Variants in FCHO2 observed in about 807,000 individuals in gnomAD.
FCHO2 encodes the protein F-BAR domain only protein 2.
In FCHO2, 43 loss-of-function variants were observed where a neutral mutation model predicts 114.1. The ratio of observed to expected loss-of-function variants is 0.38; its 90% CI spans 0.30 to 0.49. The LOEUF is 0.49. FCHO2 is among the 20% of genes least tolerant of loss of function. FCHO2 has a pLI of 0.97. For synonymous variants in FCHO2, 293 were observed against 315.2 expected (o/e 0.93, Z 0.75); for missense variants, 807 against 950.4 (o/e 0.85, Z 1.98).
intron 12 of FCHO2, among the ~76,000 whole-genome samples, chr5:73,052,124 C>T (rs538873691): frequency 3.3e-5 from 5 of 152,046 alleles, no homozygotes; most frequent in African/African-American, 7.2e-5. Flanking sequence ...AAAGTTTCAC[C>T]GTGTTAGCCA....
intron 10 of FCHO2, chr5:73,037,743 T>C (rs1022956963): frequency 1.2e-5 from 5 of 403,116 alleles, no homozygotes; most frequent in Admixed American, 3.1e-5. Flanking sequence ...GGTCCACTTA[T>C]AAGTCTGATT....
Position 73,068,688 on chromosome 5 carries a change from C to T in FCHO2, c.1488C>T (p.Ser496=), listed in dbSNP as rs1408649774. Residue 496 remains serine (S), a synonymous_variant, in exon 19 of 26, where the codon AGC becomes AGT. Coordinates refer to ENST00000430046, the MANE Select transcript of FCHO2 (RefSeq NM_138782.3). ...GCCCACCTGTAACTTCCAACACCAG[C>T]CCACCTCCTGCTGCACCATTAGCCC... is the stretch of plus-strand genomic sequence containing the variant. ...PFSPPVTSNT[S]PPPAAPLARA... 1 of 1,612,202 alleles carries T rather than the reference C, an allele frequency of 6.2e-7. No homozygotes were observed. Among genetic ancestry groups the T allele is most frequent in the Non-Finnish European group, 8.5e-7 (1 of 1,178,922 alleles).
At chr5:73,002,027 C>T (rs532641953) in intron 5 of FCHO2, among the ~76,000 whole-genome samples, 14 of 152,106 alleles carry the variant, frequency 9.2e-5, no homozygotes, top group East Asian at 3.9e-4. Context: ...TCAGAGGGTA[C>T]GCTTCATAAA....
chr5:72,982,207 G>A (rs554447227), intron 2 of FCHO2, among the ~76,000 whole-genome samples: 21 of 152,174 alleles, frequency 1.4e-4, no homozygotes, highest in East Asian at 3.9e-4. Flanking sequence ...GTGATGCCCC[G>A]TCCTGCTTCT....
intron 2 of FCHO2, among the ~76,000 whole-genome samples, chr5:72,984,166 A>G (rs1426076306): frequency 6.6e-6 from 1 of 152,144 alleles, no homozygotes; most frequent in Admixed American, 6.6e-5. Context: ...TCTCCTCACA[A>G]CTTGTCATTT....
At chr5:72,963,902 G>GTTTTTT (rs70973214) in intron 1 of FCHO2, among the ~76,000 whole-genome samples, 61 of 95,718 alleles carry the variant, frequency 6.4e-4, no homozygotes, top group African/African-American at 8.8e-4. Flanking sequence ...GGAACTTTCA[G>GTTTTTT]TTTTTTTTTT....
intron 20 of FCHO2, 62 bp from the exon 21 acceptor site, chr5:73,077,276 C>G: frequency 6.7e-7 from 1 of 1,484,798 alleles, no homozygotes; most frequent in Non-Finnish European, 9.0e-7. Flanking sequence ...CTTTTTAAAC[C>G]AAATACTTTA....
At chr5:72,971,791 A>G (rs1171377053) in intron 2 of FCHO2, among the ~76,000 whole-genome samples, 1 of 152,206 alleles carries the variant, frequency 6.6e-6, no homozygotes, top group South Asian at 2.1e-4. Flanking sequence ...TATGTCCTGA[A>G]TAGTAATGCC....
chr5:73,055,051 A>G lies in FCHO2; in HGVS notation c.1210+502A>G, dbSNP rs768843366. ...AGTTGAAGCAGCCCACTCAAAAGCT[A>G]TGTAATTTTGTTAACAGAAGACTTA... On this transcript the variant is annotated intron_variant, in intron 15 of 25. Transcript: ENST00000430046. The G allele has an allele frequency of 1.9e-5, 7 of 375,642 alleles. No individual in the cohort carries two copies. In the East Asian group the frequency reaches 4.4e-4, roughly 23 times the overall value. 23.3% of individuals were successfully genotyped at this position (375,642 alleles called of 1,614,324 possible).
intron 2 of FCHO2, among the ~76,000 whole-genome samples, chr5:72,972,803 G>A (rs1375722702): frequency 6.6e-6 from 1 of 152,032 alleles, no homozygotes; most frequent in Non-Finnish European, 1.5e-5. Context: ...AATGCTTCCA[G>A]TTTTTGCCCA....
chr5:73,007,724 C>T (rs1445161136), intron 6 of FCHO2, among the ~76,000 whole-genome samples: 1 of 152,100 alleles, frequency 6.6e-6, no homozygotes, highest in Non-Finnish European at 1.5e-5. Context: ...CAAATATCTC[C>T]GTGCTTGAGA....
intron 6 of FCHO2, among the ~76,000 whole-genome samples, chr5:73,015,306 A>G (rs918476629): frequency 6.6e-6 from 1 of 150,556 alleles, no homozygotes; most frequent in Non-Finnish European, 1.5e-5. Flanking sequence ...TCTGTCGCCC[A>G]GGCTCCAGTG....
intron 2 of FCHO2, among the ~76,000 whole-genome samples, chr5:72,973,833 G>T (rs917310907): frequency 6.7e-6 from 1 of 150,040 alleles, no homozygotes; most frequent in Non-Finnish European, 1.5e-5. Flanking sequence ...TTCTCTTGTG[G>T]GCATGTAGTG....
At chr5:73,017,409 T>C (rs1755363677) in intron 8 of FCHO2, 101 bp downstream of exon 8, 2 of 595,784 alleles carry the variant, frequency 3.4e-6, no homozygotes, top group Non-Finnish European at 5.3e-6. Context: ...ATTTTAACTT[T>C]ATATCACATA....
At chr5:72,973,994 T>G (rs1336541334) in intron 2 of FCHO2, among the ~76,000 whole-genome samples, 1 of 151,624 alleles carries the variant, frequency 6.6e-6, no homozygotes, top group Non-Finnish European at 1.5e-5. Flanking sequence ...TTGTTCAGTT[T>G]CTATGTAGTT....
At chr5:73,028,987 A>G (rs1756090157) in intron 8 of FCHO2, among the ~76,000 whole-genome samples, 1 of 152,138 alleles carries the variant, frequency 6.6e-6, no homozygotes, top group African/African-American at 2.4e-5. Context: ...TAGAAAATGT[A>G]CACTAATTTA....
At chr5:73,082,860 A>T in intron 24 of FCHO2, 35 bp downstream of exon 24, 2 of 1,460,802 alleles carry the variant, frequency 1.4e-6, no homozygotes, top group Non-Finnish European at 1.9e-6. Flanking sequence ...TTATAAAATG[A>T]TGTCACTGAA....
chr5:73,010,001 A>G (rs189992381), intron 6 of FCHO2, among the ~76,000 whole-genome samples: 3 of 152,304 alleles, frequency 2.0e-5, no homozygotes, highest in South Asian at 4.1e-4. Context: ...GTCATACTCT[A>G]CAGCTGCAGA....
intron 5 of FCHO2, among the ~76,000 whole-genome samples, chr5:72,999,277 T>C (rs60415947): frequency 6.6e-6 from 1 of 152,014 alleles, no homozygotes; most frequent in Non-Finnish European, 1.5e-5. Context: ...AGATTTTTTT[T>C]AAAAGTCATA....
Sources: allele counts gnomAD v4.1 joint callset (sites outside exome capture counted in the v4.1 genomes callset), GRCh38; gene constraint gnomAD v4.1.1; transcripts MANE v1.5; gene names NCBI Gene and HGNC (gene_info 2026-07-23, HGNC 2026-07-21).